The following TBC1D5 variants were observed in gnomAD, a reference collection of about 807,000 sequenced individuals.
TBC1D5 encodes TBC1 domain family member 5.
In TBC1D5, 75 loss-of-function variants were observed where a neutral mutation model predicts 100.3. That is an observed-to-expected ratio of 0.75 (90% CI 0.62 to 0.91). TBC1D5 has a LOEUF of 0.91. TBC1D5 is among the 40% of genes least tolerant of loss of function. The pLI is 0.00. For missense variants in TBC1D5, 910 were observed against 942.4 expected (o/e 0.97, Z 0.45); for synonymous variants, 323 against 325.6 (o/e 0.99, Z 0.09).
chr3:17,671,836 T>C (rs1200202831), intron 1 of TBC1D5, among the ~76,000 whole-genome samples: 1 of 152,262 alleles, frequency 6.6e-6, no homozygotes, highest in Admixed American at 6.5e-5. Flanking sequence ...ACAGAGATCA[T>C]TTTTGGTACA....
At position 17,662,172 on chromosome 3, in the gene TBC1D5, C is replaced by T. The variant is rs112140516; in HGVS notation, c.-100-38259G>A. 5.4e-3 allele frequency among the ~76,000 whole-genome samples: 815 copies of T among 152,330 alleles called. 12 individuals are homozygous for T. Among genetic ancestry groups the T allele is most frequent in the African/African-American group, 0.019 (783 of 41,580 alleles). On this transcript the variant is annotated intron_variant, in intron 1 of 21. Coordinates refer to ENST00000253692, the Ensembl canonical transcript of TBC1D5. The stretch of plus-strand genomic sequence containing the variant: ...CATCCCAAAGCACTGGGATTACAGG[C>T]ATGAACCACCACACCCAGCCCACTT...
chr3:17,172,596 C>G (rs2067271458), intron 19 of TBC1D5, among the ~76,000 whole-genome samples: 2 of 152,122 alleles, frequency 1.3e-5, no homozygotes, highest in African/African-American at 2.4e-5. Context: ...AGCACTGAAA[C>G]TAAAGGGGAA....
chr3:17,677,669 T>A (rs569201327), intron 1 of TBC1D5, among the ~76,000 whole-genome samples: 4 of 152,308 alleles, frequency 2.6e-5, no homozygotes, highest in African/African-American at 9.6e-5. Context: ...GGATTATAAA[T>A]CATGCTGCTA....
intron 13 of TBC1D5, among the ~76,000 whole-genome samples, chr3:17,320,481 G>T (rs1413784947): frequency 6.6e-6 from 1 of 152,186 alleles, no homozygotes; most frequent in Non-Finnish European, 1.5e-5. Flanking sequence ...TTGGGATGCT[G>T]CCAAGAACCA....
At chr3:17,682,843 C>G (rs2069685685) in intron 1 of TBC1D5, among the ~76,000 whole-genome samples, 1 of 151,414 alleles carries the variant, frequency 6.6e-6, no homozygotes, top group Non-Finnish European at 1.5e-5. Flanking sequence ...TTTAGTGATT[C>G]ATATAGTACC....
intron 15 of TBC1D5, among the ~76,000 whole-genome samples, chr3:17,275,104 CA>C (rs2079837839): frequency 8.1e-6 from 1 of 123,790 alleles, no homozygotes; most frequent in African/African-American, 3.0e-5. Context: ...GGGGAGGAAA[CA>C]ATTATTTCCA....
chr3:17,217,504 G>A (rs1025824913), intron 17 of TBC1D5, among the ~76,000 whole-genome samples: 1 of 151,994 alleles, frequency 6.6e-6, no homozygotes, highest in African/African-American at 2.4e-5. Context: ...TTGTATAACG[G>A]TTCCAATTTC....
At chr3:17,516,917 T>A (rs1337568299) in intron 2 of TBC1D5, among the ~76,000 whole-genome samples, 1 of 152,114 alleles carries the variant, frequency 6.6e-6, no homozygotes, top group Non-Finnish European at 1.5e-5. Flanking sequence ...TAAAAAAAAA[T>A]ACAGCTCATT....
intron 8 of TBC1D5, among the ~76,000 whole-genome samples, chr3:17,390,367 A>G (rs2152314692): frequency 6.6e-6 from 1 of 152,262 alleles, no homozygotes; most frequent in Admixed American, 6.5e-5. Context: ...CAAAGAGACA[A>G]AAAGAATCTT....
chr3:17,328,415 G>A (rs1052417170), intron 13 of TBC1D5, among the ~76,000 whole-genome samples: 3 of 152,052 alleles, frequency 2.0e-5, no homozygotes, highest in Admixed American at 2.0e-4. Flanking sequence ...AGTGTGTTGT[G>A]CTGTCTTCCT....
chr3:17,281,080 A>T (rs2080536630), intron 15 of TBC1D5, among the ~76,000 whole-genome samples: 1 of 152,218 alleles, frequency 6.6e-6, no homozygotes, highest in Non-Finnish European at 1.5e-5. Context: ...AGCTAGCTCC[A>T]GAGAGGGCAC....
chr3:17,655,470 A>C (rs1049243347), intron 1 of TBC1D5, among the ~76,000 whole-genome samples: 1 of 151,844 alleles, frequency 6.6e-6, no homozygotes, highest in Non-Finnish European at 1.5e-5. Context: ...AATTAAATTA[A>C]ATTAAATTAA....
At chr3:17,532,847 GA>G (rs2153389461) in intron 2 of TBC1D5, among the ~76,000 whole-genome samples, 1 of 139,270 alleles carries the variant, frequency 7.2e-6, no homozygotes, top group East Asian at 2.4e-4. Flanking sequence ...GGGGTGGAGG[GA>G]GGGGGGAGGG....
intron 13 of TBC1D5, among the ~76,000 whole-genome samples, chr3:17,312,268 T>G (rs2084118499): frequency 6.6e-6 from 1 of 152,090 alleles, no homozygotes; most frequent in Non-Finnish European, 1.5e-5. Flanking sequence ...AATAAATAAT[T>G]TTATTCCAGT....
At chr3:17,638,603 C>G (rs1380293882) in intron 1 of TBC1D5, among the ~76,000 whole-genome samples, 1 of 152,124 alleles carries the variant, frequency 6.6e-6, no homozygotes, top group African/African-American at 2.4e-5. Context: ...ACTTTTGTAA[C>G]TTTTGCAACA....
intron 2 of TBC1D5, among the ~76,000 whole-genome samples, chr3:17,583,126 A>T (rs2096710282): frequency 6.6e-6 from 1 of 151,982 alleles, no homozygotes; most frequent in African/African-American, 2.4e-5. Flanking sequence ...CTCTACAAAA[A>T]ATACAAAAAT....
intron 18 of TBC1D5, among the ~76,000 whole-genome samples, chr3:17,194,080 A>C (rs765317203): frequency 8.5e-5 from 13 of 152,226 alleles, no homozygotes; most frequent in Non-Finnish European, 1.8e-4. Flanking sequence ...GGGGCCTAAG[A>C]TTCTGCATTT....
intron 16 of TBC1D5, among the ~76,000 whole-genome samples, chr3:17,241,153 G>C (rs929791364): frequency 6.6e-6 from 1 of 152,034 alleles, no homozygotes; most frequent in African/African-American, 2.4e-5. Flanking sequence ...AAAGCAATCT[G>C]TCCAGAGCTT....
chr3:17,605,592 C>CT (rs2061288505), intron 2 of TBC1D5, among the ~76,000 whole-genome samples: 1 of 152,098 alleles, frequency 6.6e-6, no homozygotes, highest in South Asian at 2.1e-4. Flanking sequence ...AAAGGATAGT[C>CT]TTTTTTAGTA....
Sources: allele counts gnomAD v4.1 joint callset (sites outside exome capture counted in the v4.1 genomes callset), GRCh38; gene constraint gnomAD v4.1.1; transcripts MANE v1.5; gene names NCBI Gene and HGNC (gene_info 2026-07-23, HGNC 2026-07-21).